The following PRKAR1A variants were observed in gnomAD, a reference collection of about 807,000 sequenced individuals.
PRKAR1A encodes the protein protein kinase cAMP-dependent type I regulatory subunit alpha, also known as cAMP-dependent protein kinase type I-alpha regulatory subunit.
In PRKAR1A, 3 loss-of-function variants were observed where a neutral mutation model predicts 52.0. The observed-to-expected ratio is 0.06, with a 90% CI of 0.03 to 0.15. PRKAR1A has a LOEUF of 0.15. PRKAR1A is among the 10% of genes least tolerant of loss of function. PRKAR1A has a pLI of 1.00. For synonymous variants in PRKAR1A, 188 were observed against 168.4 expected (o/e 1.12, Z -0.90); for missense variants, 240 against 477.4 (o/e 0.50, Z 4.63).
chr17:68,439,892 T>C, the PRKAR1A span, among the ~76,000 whole-genome samples: 11 of 152,284 alleles, frequency 7.2e-5, no homozygotes, highest in African/African-American at 2.4e-4. Context: ...ATACTGGGCG[T>C]GTCTTTGTGG....
upstream of PRKAR1A, among the ~76,000 whole-genome samples, chr17:68,510,483 G>T (rs1053144619): frequency 2.6e-5 from 4 of 152,098 alleles, no homozygotes; most frequent in Non-Finnish European, 5.9e-5. Context: ...CCGAGGAAAC[G>T]GACACCCATG....
At chr17:68,433,771 T>TG in the PRKAR1A span, among the ~76,000 whole-genome samples, 63 of 21,380 alleles carry the variant, frequency 2.9e-3, no homozygotes, top group Admixed American at 6.2e-3. Flanking sequence ...TTTTTTTTTT[T>TG]TTTTTTTTTT....
At chr17:68,449,096 A>T in the PRKAR1A span, among the ~76,000 whole-genome samples, 3 of 152,342 alleles carry the variant, frequency 2.0e-5, no homozygotes, top group Non-Finnish European at 2.9e-5. Context: ...AAAAAAAATT[A>T]ATTAGTACTT....
chr17:68,465,608 C>A, the PRKAR1A span, among the ~76,000 whole-genome samples: 2 of 147,318 alleles, frequency 1.4e-5, no homozygotes, highest in Non-Finnish European at 3.0e-5. Context: ...ACGTGCGGTG[C>A]GCGACCACGC....
intron 11 of PRKAR1A, among the ~76,000 whole-genome samples, chr17:68,542,412 C>G (rs2086342985): frequency 6.6e-6 from 1 of 152,190 alleles, no homozygotes; most frequent in Admixed American, 6.5e-5. Context: ...GTAGAACACT[C>G]TTTATTACCC....
chr17:68,522,701 G>C, intron 2 of PRKAR1A, 55 bp from the exon 3 acceptor site: 1 of 1,577,428 alleles, frequency 6.3e-7, no homozygotes, highest in South Asian at 1.1e-5. Context: ...GAACATGAGA[G>C]TGCCAGCTTT....
chr17:68,508,679 G>C (rs1157365566), upstream of PRKAR1A, among the ~76,000 whole-genome samples: 2 of 152,122 alleles, frequency 1.3e-5, no homozygotes, highest in Non-Finnish European at 2.9e-5. Flanking sequence ...AATAAAAGTT[G>C]AATGAATAAG....
chr17:68,453,144 G>A, the PRKAR1A span: 6 of 562,628 alleles, frequency 1.1e-5, no homozygotes, highest in Non-Finnish European at 1.9e-5. Flanking sequence ...AAATGGTGAC[G>A]CATGTCTTGA....
chr17:68,462,976 C>T, the PRKAR1A span, among the ~76,000 whole-genome samples: 6 of 152,302 alleles, frequency 3.9e-5, no homozygotes, highest in Non-Finnish European at 7.3e-5. Context: ...AGCCTGTGCT[C>T]CTGGCTGGGC....
At chr17:68,535,239 G>A, downstream of PRKAR1A, 1 of 451,162 alleles carries the variant, frequency 2.2e-6, no homozygotes. Flanking sequence ...TCTTAATTTT[G>A]TTACTAATCA....
At chr17:68,518,385 T>C (rs1334265089) in intron 2 of PRKAR1A, among the ~76,000 whole-genome samples, 2 of 152,236 alleles carry the variant, frequency 1.3e-5, no homozygotes, top group Non-Finnish European at 2.9e-5. Context: ...ATCCAGGCAT[T>C]TCTGTACATC....
In PRKAR1A at chr17:68,524,665, C is replaced by CTG. The variant is rs3217054; in HGVS notation, c.503-246_503-245insGT. 0.22 allele frequency among the ~76,000 whole-genome samples: 34,125 copies of CTG among 151,942 alleles called. 3,847 individuals carry two copies. Among genetic ancestry groups the CTG allele is most frequent in the South Asian group, 0.26 (1,255 of 4,826 alleles). ...TTATAAATGCCATAGCAGTTAATAA[C>CTG]TACACATATGTAGCTTTTAAAAATT... On this transcript the variant is annotated intron_variant, in intron 5 of 10. Coordinates refer to ENST00000589228, the MANE Select transcript of PRKAR1A (RefSeq NM_002734.5).
In PRKAR1A at chr17:68,532,686, G is replaced by A; in HGVS notation, c.*2237G>A. On this transcript the variant is annotated 3_prime_UTR_variant, in exon 11 of 11. Coordinates refer to ENST00000589228, the MANE Select transcript of PRKAR1A (RefSeq NM_002734.5). Reference sequence around the variant, plus strand: ...CTGATTACCAGTCTGATTATACCATGTGTGCTAATATACTTTTTTTGTTAT... The same window carrying A: ...CTGATTACCAGTCTGATTATACCATATGTGCTAATATACTTTTTTTGTTAT... 9.4e-7 allele frequency: 1 copy of A among 1,066,282 alleles called. No homozygotes were observed. Among genetic ancestry groups the A allele is most frequent in the Non-Finnish European group, 1.1e-6 (1 of 879,658 alleles). The allele number at this position is 1,066,282 out of a possible 1,614,324, so 66.1% of individuals were successfully genotyped here.
chr17:68,470,326 C>T, the PRKAR1A span, among the ~76,000 whole-genome samples: 2 of 152,172 alleles, frequency 1.3e-5, no homozygotes, highest in African/African-American at 4.8e-5. Context: ...GTGATCCACC[C>T]GCCTTGGCCT....
At chr17:68,476,978 G>A in the PRKAR1A span, among the ~76,000 whole-genome samples, 1 of 152,036 alleles carries the variant, frequency 6.6e-6, no homozygotes, top group Non-Finnish European at 1.5e-5. Flanking sequence ...TACTTTTAAT[G>A]TCTGTTTTGT....
chr17:68,462,056 G>C, the PRKAR1A span, among the ~76,000 whole-genome samples: 1 of 152,168 alleles, frequency 6.6e-6, no homozygotes, highest in Non-Finnish European at 1.5e-5. Context: ...TTGATTAAAA[G>C]GGGAGAGACA....
chr17:68,479,583 A>C, the PRKAR1A span, among the ~76,000 whole-genome samples: 1 of 152,162 alleles, frequency 6.6e-6, no homozygotes, highest in Admixed American at 6.6e-5. Context: ...TATGACTCTT[A>C]ACTTTCCTAT....
chr17:68,515,755 A>G (rs2085413160), intron 2 of PRKAR1A, 179 bp downstream of exon 2: 3 of 777,722 alleles, frequency 3.9e-6, no homozygotes, highest in Admixed American at 2.9e-5. Flanking sequence ...ATTCTTAATT[A>G]GTAGAATTTA....
At chr17:68,473,656 C>T in the PRKAR1A span, among the ~76,000 whole-genome samples, 1 of 152,000 alleles carries the variant, frequency 6.6e-6, no homozygotes, top group Non-Finnish European at 1.5e-5. Flanking sequence ...CCAAGTAGCT[C>T]GGACTACAGG....
Sources: gnomAD v4.1 joint callset for allele counts (sites outside exome capture counted in the v4.1 genomes callset) on GRCh38, gnomAD v4.1.1 for gene constraint, MANE v1.5 for transcripts, NCBI Gene and HGNC (gene_info 2026-07-23, HGNC 2026-07-21) for gene names.